Variants in PTCD2 observed in about 807,000 individuals in gnomAD.
The protein encoded by PTCD2 is pentatricopeptide repeat domain 2.
PTCD2 carries 31 observed loss-of-function variants against 42.6 expected under a neutral mutation model. That is an observed-to-expected ratio of 0.73 (90% CI 0.55 to 0.98). PTCD2 has a LOEUF of 0.98. Ranked by LOEUF, PTCD2 falls within the 50% of genes least tolerant of loss-of-function variation. The pLI is 0.00. For missense variants in PTCD2, 476 were observed against 454.8 expected, an observed-to-expected ratio of 1.05 and a Z score of -0.42; for synonymous variants, 183 against 170.9, an observed-to-expected ratio of 1.07 and a Z score of -0.55.
In PTCD2 at chr5:72,325,364, G is replaced by GA. The variant is rs1216683138; in HGVS notation, c.221-1244dup. Among the ~76,000 whole-genome samples the GA allele has an allele frequency of 3.3e-5, 5 of 152,202 alleles. No individual in the cohort carries two copies. The East Asian group carries it at 9.6e-4, about 29-fold the overall frequency. ...AGATCTAACAGGTGACACAAGGAATGAAAATGAGAACAATAATGTTTCTAT... is the reference window on the plus strand; with the variant it reads ...AGATCTAACAGGTGACACAAGGAATGAAAAATGAGAACAATAATGTTTCTAT... On this transcript the variant is annotated intron_variant, in intron 2 of 9. Coordinates refer to ENST00000380639, the MANE Select transcript of PTCD2 (RefSeq NM_024754.5).
chr5:72,340,366 G>A (rs1751994232), intron 7 of PTCD2, among the ~76,000 whole-genome samples: 1 of 152,064 alleles, frequency 6.6e-6, no homozygotes, highest in African/African-American at 2.4e-5. Flanking sequence ...ACTCTTAAAT[G>A]TACTTGATTT....
intron 8 of PTCD2, among the ~76,000 whole-genome samples, chr5:72,344,914 C>T (rs923125965): frequency 2.6e-5 from 4 of 152,134 alleles, no homozygotes; most frequent in South Asian, 2.1e-4. Context: ...GGAGGCAGGG[C>T]GAGATCACAG....
In PTCD2 at chr5:72,358,479, T is replaced by C. The variant is rs1173189230; in HGVS notation, c.*52T>C. 7.4e-7 allele frequency: 1 copy of C among 1,354,582 alleles called. No homozygotes were observed. Among genetic ancestry groups the C allele is most frequent in the East Asian group, 2.4e-5 (1 of 42,028 alleles). The allele number at this position is 1,354,582 out of a possible 1,614,324, so 83.9% of individuals were successfully genotyped here. On this transcript the variant is annotated 3_prime_UTR_variant, in exon 10 of 10. Transcript: ENST00000380639. ...TGAGGGGCCTGCTTCTAGTGAGTTA[T>C]TACCTTTCCTAAGAAGCCAGGTATC...
At chr5:72,355,517 A>G (rs1291047098) in intron 9 of PTCD2, among the ~76,000 whole-genome samples, 1 of 152,236 alleles carries the variant, frequency 6.6e-6, no homozygotes, top group East Asian at 1.9e-4. Context: ...TATGTATTTC[A>G]TTTAGGAACC....
chr5:72,320,659 AGTGGTGACC>A, intron 1 of PTCD2, 150 bp downstream of exon 1: 1 of 1,070,424 alleles, frequency 9.3e-7, no homozygotes, highest in Non-Finnish European at 1.4e-6. Context: ...ACGTGGGTGC[AGTGGTGACC>A]ACTGGGGGTC....
At chr5:72,339,191 C>G (rs749762576) in intron 7 of PTCD2, among the ~76,000 whole-genome samples, 2 of 152,148 alleles carry the variant, frequency 1.3e-5, no homozygotes, top group African/African-American at 4.8e-5. Context: ...CCTCATTCCC[C>G]TGACTGGACA....
chr5:72,337,025 T>C (rs1292203138), intron 6 of PTCD2, among the ~76,000 whole-genome samples: 1 of 152,088 alleles, frequency 6.6e-6, no homozygotes, highest in Non-Finnish European at 1.5e-5. Flanking sequence ...GAAAACCAAG[T>C]GGAAATTGAG....
At position 72,359,642 on chromosome 5, in the gene PTCD2, A is replaced by G. The variant is rs1321468052; in HGVS notation, c.*1215A>G. The G allele has an allele frequency of 6.6e-6, 1 of 152,212 alleles. No individual in the cohort carries two copies. Among genetic ancestry groups the G allele is most frequent in the Non-Finnish European group, 1.5e-5 (1 of 68,048 alleles). The allele number at this position is 152,212 out of a possible 1,614,324, so 9.4% of individuals were successfully genotyped here. Reference sequence around the variant, plus strand: ...TCCATGCAAGAGAGGCCCAATCTCAACTGTAGACTGTGTCCCAGTAAGAGA... The same window carrying G: ...TCCATGCAAGAGAGGCCCAATCTCAGCTGTAGACTGTGTCCCAGTAAGAGA... On this transcript the variant is annotated 3_prime_UTR_variant, in exon 10 of 10. Transcript: ENST00000380639.
chr5:72,358,516 G>A lies in PTCD2; in HGVS notation c.*89G>A, dbSNP rs550439769. The A allele has an allele frequency of 1.6e-4, 144 of 898,358 alleles. No homozygotes were observed. Among genetic ancestry groups the A allele is most frequent in the South Asian group, 1.6e-3 (105 of 66,580 alleles). 55.6% of individuals were successfully genotyped at this position (898,358 alleles called of 1,614,324 possible). A position where few individuals can be genotyped will look rare whatever the true frequency, so the allele number is the denominator to read the frequency against. On this transcript the variant is annotated 3_prime_UTR_variant, in exon 10 of 10. Coordinates refer to ENST00000380639, the MANE Select transcript of PTCD2 (RefSeq NM_024754.5). ...AGAAGCCAGGTATCGCACTTCAGCA[G>A]ACAGTGTGCTGACACTTGGTCTTCT...
chr5:72,336,289 C>T (rs1038046905), intron 6 of PTCD2, among the ~76,000 whole-genome samples: 9 of 152,080 alleles, frequency 5.9e-5, no homozygotes, highest in African/African-American at 1.2e-4. Context: ...TTGCAATCAC[C>T]GAAACTGGAA....
rs1046172238 is a variant in PTCD2, at chr5:72,351,969, G to A, written c.829-672G>A. On this transcript the variant is annotated intron_variant, in intron 8 of 9. Coordinates refer to ENST00000380639, the MANE Select transcript of PTCD2 (RefSeq NM_024754.5). ...ATTTAATGTTCATAAAACCCAAAAT[G>A]TGAGATCTAAATCTATTTTCCCCAT... Among the ~76,000 whole-genome samples, 15 of 152,214 alleles carry A rather than the reference G, an allele frequency of 9.9e-5. 1 individual carries two copies. Among genetic ancestry groups the A allele is most frequent in the Middle Eastern group, 3.4e-3 (1 of 294 alleles).
intron 3 of PTCD2, 26 bp from the exon 4 acceptor site, chr5:72,331,232 G>T (rs1580149726): frequency 7.0e-7 from 1 of 1,434,308 alleles, no homozygotes; most frequent in Non-Finnish European, 9.8e-7. Context: ...CTACCTTTTG[G>T]CTCATTGAAT....
At chr5:72,327,826 A>G (rs985567933) in intron 3 of PTCD2, among the ~76,000 whole-genome samples, 4 of 152,180 alleles carry the variant, frequency 2.6e-5, no homozygotes, top group Non-Finnish European at 5.9e-5. Context: ...ATTTATATGT[A>G]CATTTATAGA....
intron 6 of PTCD2, among the ~76,000 whole-genome samples, chr5:72,336,852 C>T (rs181995458): frequency 5.3e-5 from 8 of 151,976 alleles, no homozygotes; most frequent in Admixed American, 3.9e-4. Context: ...TGTTGTCATT[C>T]GTATCACTTA....
rs1753076403 is a variant in PTCD2, at chr5:72,360,776, C to G, written c.*2349C>G. On this transcript the variant is annotated 3_prime_UTR_variant, in exon 10 of 10. Coordinates refer to ENST00000380639, the MANE Select transcript of PTCD2 (RefSeq NM_024754.5). The stretch of plus-strand genomic sequence containing the variant: ...CTCAGCTCACTGCAACTTCTGCCTC[C>G]TGGGTTCAAGCAATTCTCATGCCCC... 1 of 151,876 alleles carries G rather than the reference C, an allele frequency of 6.6e-6. No homozygotes were observed. Among genetic ancestry groups the G allele is most frequent in the Admixed American group, 6.6e-5 (1 of 15,260 alleles). 9.4% of individuals were successfully genotyped at this position (151,876 alleles called of 1,614,324 possible).
chr5:72,353,677 G>A (rs976877919), intron 9 of PTCD2, among the ~76,000 whole-genome samples: 1 of 152,146 alleles, frequency 6.6e-6, no homozygotes, highest in Non-Finnish European at 1.5e-5. Flanking sequence ...GGACAGAATA[G>A]AAAGTCCGGA....
intron 6 of PTCD2, among the ~76,000 whole-genome samples, chr5:72,337,804 T>TA (rs1751834711): frequency 6.6e-6 from 1 of 152,014 alleles, no homozygotes; most frequent in South Asian, 2.1e-4. Context: ...AAAAATAAAA[T>TA]AAATAAATAA....
At chr5:72,355,345 T>C (rs1474839931) in intron 9 of PTCD2, among the ~76,000 whole-genome samples, 1 of 152,188 alleles carries the variant, frequency 6.6e-6, no homozygotes, top group Non-Finnish European at 1.5e-5. Flanking sequence ...TACACATAGA[T>C]TGAAACATCA....
chr5:72,331,661 A>G (rs1751446645), intron 4 of PTCD2, among the ~76,000 whole-genome samples: 1 of 152,116 alleles, frequency 6.6e-6, no homozygotes, highest in South Asian at 2.1e-4. Context: ...TTCAATAGAG[A>G]AGAGCTTAAG....
Sources: allele counts gnomAD v4.1 joint callset (sites outside exome capture counted in the v4.1 genomes callset), GRCh38; gene constraint gnomAD v4.1.1; transcripts MANE v1.5; gene names NCBI Gene and HGNC (gene_info 2026-07-23, HGNC 2026-07-21).